SORCS2: variants seen among roughly 807,000 people sequenced by gnomAD.
SORCS2 encodes the protein sortilin related VPS10 domain containing receptor 2, also known as VPS10 domain-containing receptor SorCS2.
Under a neutral mutation model 141.6 loss-of-function variants are expected in SORCS2, and 100 were observed. That is an observed-to-expected ratio of 0.71 (90% CI 0.60 to 0.83). The LOEUF (loss-of-function observed/expected upper bound fraction) is 0.83, where lower values mean the gene tolerates loss of function less well. Among genes scored for constraint, SORCS2 ranks in the 40% least tolerant of loss-of-function variants. The pLI is 0.00. For missense variants in SORCS2, 1,646 were observed against 1,560.2 expected (o/e 1.05, Z -0.93); for synonymous variants, 789 against 676.9 (o/e 1.17, Z -2.57).
rs752132728 is a variant in SORCS2, at chr4:7,715,269, C to A, written c.2210C>A (p.Pro737His). The change falls in exon 17 of 27, where the codon CCT becomes CAT. Residue 737 changes from proline (P) to histidine (H), a missense_variant. Physicochemically the swap from Pro to His is moderately conservative, Grantham distance 77 (BLOSUM62 -2). Coordinates refer to ENST00000507866, the MANE Select transcript of SORCS2 (RefSeq NM_020777.3). ...TTCTGGTTTAACCCATTGTCCCCGC[C>A]TGACGACTGTGCCCTGGGCCAGACC... ...ANFWFNPLSP[P>H]DDCALGQTYT... The A allele has an allele frequency of 6.2e-7, 1 of 1,613,174 alleles. No individual in the cohort carries two copies. Among genetic ancestry groups the A allele is most frequent in the East Asian group, 2.2e-5 (1 of 44,842 alleles).
At chr4:7,548,502 G>T (rs995221241) in intron 3 of SORCS2, among the ~76,000 whole-genome samples, 1 of 152,200 alleles carries the variant, frequency 6.6e-6, no homozygotes, top group Admixed American at 6.5e-5. Flanking sequence ...TGTCAGGGGG[G>T]TTGGTGGCAT....
Position 7,682,844 on chromosome 4 carries a change from G to A in SORCS2, c.1443G>A (p.Arg481=). 6.2e-7 allele frequency: 1 copy of A among 1,613,356 alleles called. No homozygotes were observed. Among genetic ancestry groups the A allele is most frequent in the Non-Finnish European group, 8.5e-7 (1 of 1,179,654 alleles). Residue 481 remains arginine, a synonymous_variant, in exon 10 of 27, where the codon AGG becomes AGA. Transcript: ENST00000507866. ...YNKGRDWDYL[R]PPSMDMNGKP... ...AGGGCCGCGACTGGGATTACCTGAG[G>A]CCACCCAGCATGGACATGAATGGAA...
intron 1 of SORCS2, among the ~76,000 whole-genome samples, chr4:7,243,757 C>T (rs766693128): frequency 1.8e-4 from 27 of 152,248 alleles, no homozygotes; most frequent in Non-Finnish European, 3.4e-4. Flanking sequence ...GGGGATCCCC[C>T]CCCACAAACC....
chr4:7,232,069 G>A (rs1006674165), intron 1 of SORCS2, among the ~76,000 whole-genome samples: 5 of 152,230 alleles, frequency 3.3e-5, no homozygotes, highest in Admixed American at 1.3e-4. Context: ...CTGAGATGAC[G>A]GAGTTGCGGA....
At chr4:7,403,246 C>G (rs1178270240) in intron 2 of SORCS2, among the ~76,000 whole-genome samples, 1 of 152,172 alleles carries the variant, frequency 6.6e-6, no homozygotes, top group Admixed American at 6.5e-5. Context: ...GCTGGGTGTT[C>G]AGGCTGTTGG....
Position 7,716,253 on chromosome 4 carries a change from G to A in SORCS2, c.2252+942G>A, listed in dbSNP as rs553050269. On this transcript the variant is annotated intron_variant, in intron 17 of 26. Coordinates refer to ENST00000507866, the MANE Select transcript of SORCS2 (RefSeq NM_020777.3). ...CCCATTACTTCCCCTGAGGGAACTT[G>A]AGGAAACAGGAGGCAGGACCAGAAA... Among the ~76,000 whole-genome samples, 78 of 152,328 alleles carry A rather than the reference G, an allele frequency of 5.1e-4. No homozygotes were observed. The South Asian group carries it at 7.7e-3, about 15-fold the overall frequency.
chr4:7,478,411 AC>A (rs955117613), intron 2 of SORCS2, among the ~76,000 whole-genome samples: 68 of 148,788 alleles, frequency 4.6e-4, no homozygotes, highest in African/African-American at 1.7e-3. Context: ...GAGTACCGCC[AC>A]CCCCACCGTC....
intron 22 of SORCS2, among the ~76,000 whole-genome samples, chr4:7,729,202 T>A (rs1211124801): frequency 6.6e-6 from 1 of 152,018 alleles, no homozygotes; most frequent in African/African-American, 2.4e-5. Flanking sequence ...GGGAGGCAGC[T>A]GGAGTCAGTG....
At chr4:7,728,556 G>A in intron 22 of SORCS2, 94 bp downstream of exon 22, 1 of 877,770 alleles carries the variant, frequency 1.1e-6, no homozygotes, top group Non-Finnish European at 1.7e-6. Context: ...GAAAGGAGAG[G>A]CGGGTGGCAC....
intron 1 of SORCS2, among the ~76,000 whole-genome samples, chr4:7,281,931 C>T (rs539938962): frequency 6.6e-6 from 1 of 152,324 alleles, no homozygotes; most frequent in African/African-American, 2.4e-5. Context: ...TCTTGCACTC[C>T]CAGCTGCCTG....
At chr4:7,651,341 A>T (rs931115234) in intron 4 of SORCS2, among the ~76,000 whole-genome samples, 2 of 152,126 alleles carry the variant, frequency 1.3e-5, no homozygotes, top group African/African-American at 4.8e-5. Context: ...GCTGGGGAAA[A>T]CTGAGGCCTG....
chr4:7,505,191 A>T (rs1174090208), intron 2 of SORCS2, among the ~76,000 whole-genome samples: 1 of 152,180 alleles, frequency 6.6e-6, no homozygotes, highest in African/African-American at 2.4e-5. Context: ...TCTGAATTTT[A>T]AAATAAGCTT....
intron 2 of SORCS2, among the ~76,000 whole-genome samples, chr4:7,427,911 G>C (rs886667904): frequency 1.3e-5 from 2 of 151,968 alleles, no homozygotes; most frequent in Non-Finnish European, 2.9e-5. Flanking sequence ...CAGCTTTGGA[G>C]GGGGCAGGCA....
intron 1 of SORCS2, among the ~76,000 whole-genome samples, chr4:7,375,046 C>T (rs1553850857): frequency 6.6e-6 from 1 of 152,078 alleles, no homozygotes; most frequent in Non-Finnish European, 1.5e-5. Context: ...GGCATAGTGA[C>T]GAGGGTGTGG....
intron 2 of SORCS2, among the ~76,000 whole-genome samples, chr4:7,487,913 CA>C (rs761081041): frequency 1.1e-3 from 175 of 152,234 alleles, no homozygotes; most frequent in South Asian, 5.2e-3. Context: ...AGACATCAGG[CA>C]TAGCCTGATG....
intron 1 of SORCS2, among the ~76,000 whole-genome samples, chr4:7,269,055 G>T (rs534148174): frequency 2.4e-4 from 37 of 152,280 alleles, no homozygotes; most frequent in Middle Eastern, 3.4e-3. Context: ...TGAGGTTGAC[G>T]GGAGTAGGTC....
At chr4:7,326,062 G>T (rs1440898192) in intron 1 of SORCS2, among the ~76,000 whole-genome samples, 1 of 152,162 alleles carries the variant, frequency 6.6e-6, no homozygotes, top group East Asian at 1.9e-4. Flanking sequence ...CAGCAGGGAA[G>T]GGTGTCAGGA....
intron 1 of SORCS2, among the ~76,000 whole-genome samples, chr4:7,359,616 C>A (rs60443692): frequency 6.6e-6 from 1 of 152,170 alleles, no homozygotes. Context: ...CCCAAGATCC[C>A]GGCAGCTGGC....
intron 11 of SORCS2, among the ~76,000 whole-genome samples, chr4:7,695,303 AG>A (rs1724533087): frequency 3.2e-4 from 3 of 9,458 alleles, no homozygotes; most frequent in South Asian, 0.011. Flanking sequence ...TGGATGGGTG[AG>A]TGAATGGGTG....
Sources: gnomAD v4.1 joint callset for allele counts (sites outside exome capture counted in the v4.1 genomes callset) on GRCh38, gnomAD v4.1.1 for gene constraint, MANE v1.5 for transcripts, NCBI Gene and HGNC (gene_info 2026-07-23, HGNC 2026-07-21) for gene names.